The following LPP variants were observed in gnomAD, a reference collection of about 807,000 sequenced individuals.
LPP encodes lipoma-preferred partner.
LPP carries 38 observed loss-of-function variants against 60.4 expected under a neutral mutation model. The observed-to-expected ratio is 0.63, with a 90% confidence interval of 0.49 to 0.83. The LOEUF is 0.83. LPP is among the 40% of genes least tolerant of loss of function. LPP has a pLI of 0.00. For missense variants in LPP, 902 were observed against 783.6 expected, an observed-to-expected ratio of 1.15 and a Z score of -1.80; for synonymous variants, 328 against 290.8, an observed-to-expected ratio of 1.13 and a Z score of -1.30.
At chr3:188,803,010 C>T (rs1385969365) in intron 9 of LPP, among the ~76,000 whole-genome samples, 1 of 148,572 alleles carries the variant, frequency 6.7e-6, no homozygotes, top group Non-Finnish European at 1.5e-5. Flanking sequence ...TATAATAATA[C>T]TATATATTAG....
intron 9 of LPP, among the ~76,000 whole-genome samples, chr3:188,863,739 T>G (rs1202371238): frequency 3.3e-5 from 5 of 152,150 alleles, no homozygotes; most frequent in Non-Finnish European, 5.9e-5. Flanking sequence ...TTAATCACAT[T>G]TTATACTTTT....
intron 7 of LPP, among the ~76,000 whole-genome samples, chr3:188,681,983 A>G (rs1859637571): frequency 6.6e-6 from 1 of 152,188 alleles, no homozygotes; most frequent in African/African-American, 2.4e-5. Flanking sequence ...TCAAGGAGGA[A>G]GAACCTAATT....
At chr3:188,203,832 C>G (rs1023322635) in intron 1 of LPP, among the ~76,000 whole-genome samples, 4 of 150,940 alleles carry the variant, frequency 2.7e-5, no homozygotes, top group Admixed American at 6.7e-5. Context: ...TGTGTGCAGG[C>G]TTTGGTGCCA....
chr3:188,426,215 T>A (rs555927072), intron 4 of LPP, among the ~76,000 whole-genome samples: 1 of 148,594 alleles, frequency 6.7e-6, no homozygotes, highest in Non-Finnish European at 1.5e-5. Context: ...ATTTACCCAG[T>A]AGTCATTCAG....
intron 7 of LPP, among the ~76,000 whole-genome samples, chr3:188,695,854 A>C (rs562987031): frequency 2.4e-4 from 36 of 152,206 alleles, no homozygotes; most frequent in Non-Finnish European, 5.0e-4. Context: ...TTTACGATAG[A>C]CCATGTAAGT....
chr3:188,861,143 T>C (rs950093066), intron 9 of LPP, among the ~76,000 whole-genome samples: 3 of 152,186 alleles, frequency 2.0e-5, no homozygotes, highest in African/African-American at 7.2e-5. Context: ...TTTTGATAAA[T>C]TGTTTCCCTG....
chr3:188,269,044 T>C (rs1445210476), intron 2 of LPP, among the ~76,000 whole-genome samples: 5 of 152,216 alleles, frequency 3.3e-5, no homozygotes, highest in African/African-American at 9.7e-5. Flanking sequence ...TCTATCAGTA[T>C]AGGATGTGAT....
chr3:188,882,567 G>A lies in LPP; in HGVS notation c.*8088G>A, dbSNP rs1770164177. The A allele has an allele frequency of 4.5e-6, 1 of 221,980 alleles. No homozygotes were observed. Among genetic ancestry groups the A allele is most frequent in the African/African-American group, 2.2e-5 (1 of 44,642 alleles). 13.8% of individuals were successfully genotyped at this position (221,980 alleles called of 1,614,324 possible). On this transcript the variant is annotated 3_prime_UTR_variant, in exon 12 of 12. Transcript: ENST00000617246. ...ATATGAGCATTCTTATTGATCCACA[G>A]CTACATCTTCTATTCTTGCAGCAAG...
intron 2 of LPP, among the ~76,000 whole-genome samples, chr3:188,275,306 T>A (rs1577760521): frequency 6.6e-6 from 1 of 152,212 alleles, no homozygotes; most frequent in East Asian, 1.9e-4. Flanking sequence ...CGGGTCAATC[T>A]AATTCAAGTT....
At chr3:188,302,986 TA>T (rs1305521830) in intron 2 of LPP, among the ~76,000 whole-genome samples, 1 of 152,200 alleles carries the variant, frequency 6.6e-6, no homozygotes, top group East Asian at 1.9e-4. Context: ...GGACTTGTCT[TA>T]TATGATTTTA....
chr3:188,614,065 T>C (rs900505364), intron 7 of LPP, among the ~76,000 whole-genome samples: 1 of 151,782 alleles, frequency 6.6e-6, no homozygotes, highest in Non-Finnish European at 1.5e-5. Context: ...GTAGCTGGGA[T>C]TACAGGCTCC....
intron 7 of LPP, among the ~76,000 whole-genome samples, chr3:188,672,108 A>G (rs1857071412): frequency 6.6e-6 from 1 of 152,212 alleles, no homozygotes; most frequent in Admixed American, 6.5e-5. Context: ...AAACTGAACA[A>G]GTCTGAACTG....
At chr3:188,592,557 G>GTTTGTTTTTTTTT (rs1260656926) in intron 6 of LPP, among the ~76,000 whole-genome samples, 16 of 85,706 alleles carry the variant, frequency 1.9e-4, no homozygotes, top group African/African-American at 5.4e-4. Flanking sequence ...TTTTGTTTTT[G>GTTTGTTTTTTTTT]TTTTTTAAAT....
chr3:188,299,771 G>C (rs1348648709), intron 2 of LPP, among the ~76,000 whole-genome samples: 2 of 152,120 alleles, frequency 1.3e-5, no homozygotes, highest in African/African-American at 4.8e-5. Flanking sequence ...CTCCTTTCTT[G>C]AGAAAAATGG....
intron 4 of LPP, among the ~76,000 whole-genome samples, chr3:188,421,921 T>C (rs934150195): frequency 6.6e-6 from 1 of 152,172 alleles, no homozygotes; most frequent in Non-Finnish European, 1.5e-5. Flanking sequence ...GGCTCCTAAG[T>C]ACCCCACCCG....
intron 2 of LPP, among the ~76,000 whole-genome samples, chr3:188,290,196 G>A (rs901022224): frequency 2.6e-5 from 4 of 152,002 alleles, no homozygotes; most frequent in Admixed American, 1.3e-4. Context: ...AGCTGGTCTC[G>A]ATCTCCTGAC....
intron 2 of LPP, among the ~76,000 whole-genome samples, chr3:188,275,965 C>T (rs560627033): frequency 4.6e-5 from 7 of 152,242 alleles, no homozygotes; most frequent in South Asian, 4.1e-4. Context: ...TGAGGTACCG[C>T]GCCCAGCCTC....
chr3:188,798,233 A>T lies in LPP; in HGVS notation c.1410+37951A>T, dbSNP rs148628556. On this transcript the variant is annotated intron_variant, in intron 9 of 11. Transcript: ENST00000617246. ...TGGCCCATTCTATATAATAGGGGAG[A>T]AAATAGAAACTTAGATTTACTAATT... Among the ~76,000 whole-genome samples, 1,458 of 152,352 alleles carry T rather than the reference A, an allele frequency of 9.6e-3. 17 individuals carry two copies. The highest frequency in any genetic ancestry group is 0.014 in the Non-Finnish European group (982 of 68,034).
chr3:188,318,420 A>AAAC (rs1553860886), intron 2 of LPP, among the ~76,000 whole-genome samples: 1 of 149,212 alleles, frequency 6.7e-6, no homozygotes, highest in African/African-American at 2.5e-5. Flanking sequence ...CAAAAAAACA[A>AAAC]AAAAAAAAAA....
Sources: allele counts gnomAD v4.1 joint callset (sites outside exome capture counted in the v4.1 genomes callset), GRCh38; gene constraint gnomAD v4.1.1; transcripts MANE v1.5; gene names NCBI Gene and HGNC (gene_info 2026-07-23, HGNC 2026-07-21).